DENND4A: variants seen among roughly 807,000 people sequenced by gnomAD.
DENND4A encodes the protein C-myc promoter-binding protein.
In DENND4A, 70 loss-of-function variants were observed where a neutral mutation model predicts 199.3. The ratio of observed to expected loss-of-function variants is 0.35; its 90% CI spans 0.29 to 0.43. The LOEUF (loss-of-function observed/expected upper bound fraction) is 0.43. DENND4A is among the 20% of genes least tolerant of loss of function. The pLI is 1.00. For synonymous variants in DENND4A, 686 were observed against 766.9 expected, an observed-to-expected ratio of 0.89 and a Z score of 1.74; for missense variants, 1,723 against 2,255.8, an observed-to-expected ratio of 0.76 and a Z score of 4.78.
At chr15:65,744,413 G>C (rs181983001) in intron 4 of DENND4A, among the ~76,000 whole-genome samples, 18 of 152,206 alleles carry the variant, frequency 1.2e-4, no homozygotes, top group Non-Finnish European at 1.6e-4. Flanking sequence ...CTTGAGAGAG[G>C]TCACCATTTG....
chr15:65,671,708 T>A (rs2076223770), intron 25 of DENND4A, 84 bp downstream of exon 25: 2 of 997,184 alleles, frequency 2.0e-6, no homozygotes, highest in African/African-American at 3.2e-5. Flanking sequence ...TAACTTCTAT[T>A]ACTCTACCTG....
rs2075852891 is a variant in DENND4A, at chr15:65,661,872, G to A, written c.5703C>T (p.Thr1901=). Residue 1901 remains threonine (T), a synonymous_variant, in exon 33 of 33, where the codon ACC becomes ACT. Transcript: ENST00000443035. The part of the protein sequence containing the change: ...PSTGVMECRK[T]FGEPYL ...CATCTTAAAGATAAGGTTCTCCAAA[G>A]GTTTTTCGACATTCCATCACCCCTG... is the stretch of plus-strand genomic sequence containing the variant. The A allele has an allele frequency of 6.2e-7, 1 of 1,609,956 alleles. No individual in the cohort carries two copies. The highest frequency in any genetic ancestry group is 2.2e-5 in the East Asian group (1 of 44,804).
At chr15:65,785,117 C>T (rs1482204792) in intron 1 of DENND4A, among the ~76,000 whole-genome samples, 1 of 149,598 alleles carries the variant, frequency 6.7e-6, no homozygotes, top group African/African-American at 2.5e-5. Context: ...CAGAACGAGA[C>T]TCTGTCTCAA....
At chr15:65,693,482 C>T (rs1207258404) in intron 22 of DENND4A, among the ~76,000 whole-genome samples, 4 of 152,102 alleles carry the variant, frequency 2.6e-5, no homozygotes, top group South Asian at 2.1e-4. Flanking sequence ...ATCACATATT[C>T]GAGACTTAAA....
At chr15:65,761,283 A>G (rs915387873) in intron 2 of DENND4A, 77 bp downstream of exon 2, 2 of 152,230 alleles carry the variant, frequency 1.3e-5, no homozygotes, top group African/African-American at 4.8e-5. Context: ...GACTTCTGGA[A>G]AACTAAGGTT....
At chr15:65,768,984 A>C (rs917002251) in intron 1 of DENND4A, among the ~76,000 whole-genome samples, 7 of 151,768 alleles carry the variant, frequency 4.6e-5, no homozygotes, top group Non-Finnish European at 1.0e-4. Flanking sequence ...ACAAGAGCAA[A>C]ACTCTGTCTC....
Position 65,756,475 on chromosome 15 carries a change from A to G in DENND4A, c.-22-3T>C, listed in dbSNP as rs1022456260. ...TCTTCCATTACAGAAGGTTACATCT[A>G]AAAGGAAAGTAAAAGACTAGTACTC... On this transcript the variant is annotated splice_region_variant and splice_polypyrimidine_tract_variant and intron_variant, in intron 2 of 32. Coordinates refer to ENST00000443035, the MANE Select transcript of DENND4A (RefSeq NM_001320835.1). 5 of 1,567,820 alleles carry G rather than the reference A, an allele frequency of 3.2e-6. 1 individual carries two copies. In the African/African-American group the frequency reaches 5.5e-5, roughly 17 times the overall value.
At chr15:65,732,723 TCC>T in intron 8 of DENND4A, 27 bp downstream of exon 8, 1 of 1,398,788 alleles carries the variant, frequency 7.1e-7, no homozygotes, top group Non-Finnish European at 1.0e-6. Context: ...AACTCATAGG[TCC>T]CCCAATCAAA....
At chr15:65,790,356 C>T (rs2077682223) in intron 1 of DENND4A, among the ~76,000 whole-genome samples, 2 of 152,154 alleles carry the variant, frequency 1.3e-5, no homozygotes, top group South Asian at 4.1e-4. Context: ...AAGTTTAAAA[C>T]TTGGACCAAA....
intron 16 of DENND4A, 139 bp from the exon 17 acceptor site, chr15:65,702,650 G>T: frequency 2.2e-6 from 2 of 918,220 alleles, no homozygotes; most frequent in Non-Finnish European, 3.2e-6. Context: ...GCGTTTTCAA[G>T]TTTCTTTTTG....
intron 1 of DENND4A, among the ~76,000 whole-genome samples, chr15:65,779,142 A>G (rs2077366606): frequency 6.6e-6 from 1 of 151,760 alleles, no homozygotes; most frequent in Non-Finnish European, 1.5e-5. Flanking sequence ...ACCTTTGTTA[A>G]TCTCAAGATA....
chr15:65,694,310 G>A (rs538484791), intron 22 of DENND4A, among the ~76,000 whole-genome samples: 3 of 152,176 alleles, frequency 2.0e-5, no homozygotes, highest in Non-Finnish European at 4.4e-5. Flanking sequence ...TTAGCCAGGC[G>A]TGGTGGCGTG....
intron 1 of DENND4A, chr15:65,771,851 C>A (rs1354055805): frequency 6.8e-6 from 11 of 1,612,196 alleles, no homozygotes; most frequent in Non-Finnish European, 8.5e-7. Context: ...ACAGCATAAG[C>A]ATTCCCAACC....
chr15:65,665,533 T>C, intron 29 of DENND4A, 71 bp from the exon 30 acceptor site: 1 of 1,205,616 alleles, frequency 8.3e-7, no homozygotes, highest in Non-Finnish European at 1.1e-6. Context: ...TATAAAATTC[T>C]TATAAATATT....
chr15:65,675,269 A>G (rs1247503133), intron 24 of DENND4A, among the ~76,000 whole-genome samples: 1 of 152,180 alleles, frequency 6.6e-6, no homozygotes, highest in Non-Finnish European at 1.5e-5. Context: ...TTTACTACAT[A>G]ATGCTTTACA....
In DENND4A at chr15:65,670,078, T is replaced by C. The variant is rs1566986088; in HGVS notation, c.4575A>G (p.Pro1525=). The C allele has an allele frequency of 3.7e-6, 6 of 1,605,538 alleles. No homozygotes were observed. The African/African-American group carries it at 5.4e-5, about 14-fold the overall frequency. The stretch of plus-strand genomic sequence containing the variant: ...AGGGTAAGAAGATATTGCCACAGAA[T>C]GGGCATGTAGTATTGAGATTTGAAT... The part of the protein sequence containing the change: ...ADDSNLNTTC[P]FCGNIFLPFL... Residue 1525 remains proline (P), a synonymous_variant, in exon 26 of 33, where the codon CCA becomes CCG. Transcript: ENST00000443035.
chr15:65,752,763 C>T, intron 3 of DENND4A, 135 bp from the exon 4 acceptor site: 1 of 628,294 alleles, frequency 1.6e-6, no homozygotes, highest in South Asian at 2.4e-5. Context: ...TTTTAAAATG[C>T]ACGGTCTTGT....
In DENND4A at chr15:65,752,471, C is replaced by T; in HGVS notation, c.469G>A (p.Ala157Thr). 1 of 1,613,512 alleles carries T rather than the reference C, an allele frequency of 6.2e-7. No homozygotes were observed. The highest frequency in any genetic ancestry group is 8.5e-7 in the Non-Finnish European group (1 of 1,179,748). ...ATAATAATACATATGTCAGTGACAGCCAACGTATTCTGAGTCATGTTTTCA... is the reference window on the plus strand; with the variant it reads ...ATAATAATACATATGTCAGTGACAGTCAACGTATTCTGAGTCATGTTTTCA... ...ASENMTQNTL[A>T]VTDICIIIPS... Residue 157 changes from alanine (A) to threonine (T), a missense_variant, in exon 4 of 33, where the codon GCT (alanine) becomes ACT (threonine). By Grantham distance (58) the Ala-to-Thr change is moderately conservative. Around this residue, in one of 6 missense-constraint regions of DENND4A, gnomAD observed 725 missense variants for 952.9 expected, o/e 0.76. Transcript: ENST00000443035.
chr15:65,788,221 C>T (rs541852708), intron 1 of DENND4A, among the ~76,000 whole-genome samples: 2 of 151,954 alleles, frequency 1.3e-5, no homozygotes, highest in Admixed American at 6.6e-5. Flanking sequence ...GGACTACAGG[C>T]GCCTGCCACC....
Sources: gnomAD v4.1 joint callset for allele counts (sites outside exome capture counted in the v4.1 genomes callset) on GRCh38, gnomAD v4.1.1 for gene constraint, gnomAD v4.1.1 regional missense constraint, MANE v1.5 for transcripts, NCBI Gene and HGNC (gene_info 2026-07-23, HGNC 2026-07-21) for gene names.